Variants in KCNQ5 observed in about 807,000 individuals in gnomAD.
KCNQ5 encodes the protein potassium voltage-gated channel subfamily Q member 5.
Under a neutral mutation model 98.2 loss-of-function variants are expected in KCNQ5, and 30 were observed. The observed-to-expected ratio is 0.31, with a 90% CI of 0.23 to 0.41. The LOEUF is 0.41. KCNQ5 is among the 10% of genes least tolerant of loss of function. The pLI is 1.00. For synonymous variants in KCNQ5, 458 were observed against 449.4 expected (o/e 1.02, Z -0.24); for missense variants, 835 against 1,182.5 (o/e 0.71, Z 4.31).
chr6:72,666,367 C>A (rs2154473144), intron 1 of KCNQ5, among the ~76,000 whole-genome samples: 1 of 152,258 alleles, frequency 6.6e-6, no homozygotes, highest in Admixed American at 6.5e-5. Flanking sequence ...GAAGTCACAT[C>A]TTATCCCAAA....
intron 1 of KCNQ5, among the ~76,000 whole-genome samples, chr6:72,895,320 G>A (rs539105119): frequency 2.0e-5 from 3 of 150,590 alleles, no homozygotes; most frequent in Admixed American, 1.3e-4. Flanking sequence ...AACTCCATAG[G>A]TGATTCGTGT....
chr6:72,658,836 T>G (rs1766356333), intron 1 of KCNQ5, among the ~76,000 whole-genome samples: 2 of 152,116 alleles, frequency 1.3e-5, no homozygotes, highest in South Asian at 4.1e-4. Flanking sequence ...TGCCTCAGCC[T>G]TCCAAAGTGC....
chr6:72,655,292 G>A (rs1372869126), intron 1 of KCNQ5, among the ~76,000 whole-genome samples: 1 of 151,884 alleles, frequency 6.6e-6, no homozygotes, highest in East Asian at 1.9e-4. Context: ...GTTCAAATCA[G>A]CAAATATGTA....
At chr6:72,674,229 G>A (rs1047946012) in intron 1 of KCNQ5, among the ~76,000 whole-genome samples, 1 of 150,822 alleles carries the variant, frequency 6.6e-6, no homozygotes, top group African/African-American at 2.4e-5. Flanking sequence ...TTTTTTTTTG[G>A]AGAAATTATT....
At chr6:72,877,679 C>T (rs556498834) in intron 1 of KCNQ5, among the ~76,000 whole-genome samples, 1 of 152,358 alleles carries the variant, frequency 6.6e-6, no homozygotes, top group East Asian at 1.9e-4. Flanking sequence ...TACACTCCCA[C>T]CAACAGTGTA....
chr6:73,115,962 C>A (rs930867382), intron 7 of KCNQ5, among the ~76,000 whole-genome samples: 1 of 152,200 alleles, frequency 6.6e-6, no homozygotes, highest in African/African-American at 2.4e-5. Context: ...GGAGAAAGAT[C>A]TTCAAGGAAG....
At chr6:73,157,836 C>G in intron 10 of KCNQ5, 2 of 779,766 alleles carry the variant, frequency 2.6e-6, no homozygotes, top group South Asian at 2.7e-5. Flanking sequence ...CTTTGGCAAA[C>G]TCTAGCCTCA....
chr6:73,049,514 C>T (rs542763476), intron 3 of KCNQ5, among the ~76,000 whole-genome samples: 9 of 152,274 alleles, frequency 5.9e-5, no homozygotes, highest in Admixed American at 3.9e-4. Context: ...TGCTGGCCTC[C>T]CAATAGCTCA....
At chr6:73,178,110 A>G (rs1778281569) in intron 11 of KCNQ5, among the ~76,000 whole-genome samples, 1 of 150,520 alleles carries the variant, frequency 6.6e-6, no homozygotes, top group African/African-American at 2.4e-5. Context: ...ACACTTTATT[A>G]TTTGGTTTTT....
intron 2 of KCNQ5, among the ~76,000 whole-genome samples, chr6:73,039,837 G>A (rs1056012834): frequency 6.6e-6 from 1 of 152,138 alleles, no homozygotes; most frequent in African/African-American, 2.4e-5. Context: ...GGTTGAATGT[G>A]TTGTTCAAAT....
At chr6:73,045,117 G>C (rs1176448562) in intron 3 of KCNQ5, among the ~76,000 whole-genome samples, 1 of 152,076 alleles carries the variant, frequency 6.6e-6, no homozygotes, top group African/African-American at 2.4e-5. Context: ...ATTACTGAAG[G>C]TTTTAGCATG....
intron 1 of KCNQ5, among the ~76,000 whole-genome samples, chr6:72,772,442 T>A (rs111934542): frequency 6.6e-6 from 1 of 152,156 alleles, no homozygotes; most frequent in African/African-American, 2.4e-5. Flanking sequence ...GTCAAGTGGC[T>A]TTATACACTA....
intron 11 of KCNQ5, 136 bp from the exon 12 acceptor site, chr6:73,190,437 A>C (rs1288520278): frequency 2.5e-6 from 1 of 399,744 alleles, no homozygotes; most frequent in Non-Finnish European, 4.4e-6. Context: ...TTTATATTAC[A>C]CATCTGCAGA....
At chr6:72,659,072 G>T (rs1766370932) in intron 1 of KCNQ5, among the ~76,000 whole-genome samples, 1 of 152,214 alleles carries the variant, frequency 6.6e-6, no homozygotes, top group African/African-American at 2.4e-5. Context: ...TAATGGGAAA[G>T]ATTAGTTTAC....
chr6:72,790,168 T>A (rs1773964587), intron 1 of KCNQ5, among the ~76,000 whole-genome samples: 2 of 152,260 alleles, frequency 1.3e-5, no homozygotes, highest in Admixed American at 1.3e-4. Context: ...AACAAGTTTT[T>A]CTTTATTCTT....
In KCNQ5 at chr6:72,940,309, C is replaced by T. The variant is rs547340775; in HGVS notation, c.399-63599C>T. On this transcript the variant is annotated intron_variant, in intron 1 of 13. Transcript: ENST00000370398. ...TTATCATTATGCATTATTATTGAGA[C>T]GGTTATTATTTCAGCCAAATTATTA... Among the ~76,000 whole-genome samples the T allele has an allele frequency of 1.5e-4, 23 of 152,284 alleles. No homozygotes were observed. In the South Asian group the frequency reaches 3.1e-3, roughly 21 times the overall value.
At chr6:73,109,256 T>A (rs1205472491) in intron 6 of KCNQ5, among the ~76,000 whole-genome samples, 1 of 152,238 alleles carries the variant, frequency 6.6e-6, no homozygotes, top group Non-Finnish European at 1.5e-5. Flanking sequence ...GTTTGGCAGA[T>A]GATAAATTTG....
At chr6:73,185,454 T>C (rs1397602155) in intron 11 of KCNQ5, among the ~76,000 whole-genome samples, 1 of 152,210 alleles carries the variant, frequency 6.6e-6, no homozygotes, top group Non-Finnish European at 1.5e-5. Flanking sequence ...AGTGCTGTGA[T>C]TACATGTGTA....
chr6:72,713,300 C>T (rs898953047), intron 1 of KCNQ5, among the ~76,000 whole-genome samples: 1 of 152,270 alleles, frequency 6.6e-6, no homozygotes, highest in East Asian at 1.9e-4. Context: ...TTTCTTCCTG[C>T]ACCACCCTTC....
Sources: allele counts gnomAD v4.1 joint callset (sites outside exome capture counted in the v4.1 genomes callset), GRCh38; gene constraint gnomAD v4.1.1; transcripts MANE v1.5; gene names NCBI Gene and HGNC (gene_info 2026-07-23, HGNC 2026-07-21).